The following SUGCT variants were observed in gnomAD, a reference collection of about 807,000 sequenced individuals.
SUGCT encodes succinyl-CoA:glutarate CoA-transferase.
In SUGCT, 41 loss-of-function variants were observed where a neutral mutation model predicts 55.0. That is an observed-to-expected ratio of 0.74 (90% CI 0.58 to 0.97). SUGCT has a LOEUF of 0.97. Among genes scored for constraint, SUGCT ranks in the 50% least tolerant of loss-of-function variants. SUGCT has a pLI of 0.00. For missense variants in SUGCT, 568 were observed against 547.8 expected, an observed-to-expected ratio of 1.04 and a Z score of -0.37; for synonymous variants, 187 against 200.4, an observed-to-expected ratio of 0.93 and a Z score of 0.56.
At chr7:40,817,428 G>GA (rs1347709431) in intron 13 of SUGCT, among the ~76,000 whole-genome samples, 2 of 152,168 alleles carry the variant, frequency 1.3e-5, no homozygotes, top group Non-Finnish European at 2.9e-5. Flanking sequence ...AGACATACTG[G>GA]AGAGAAGTTA....
At chr7:40,977,635 A>G in the SUGCT span, among the ~76,000 whole-genome samples, 1 of 152,180 alleles carries the variant, frequency 6.6e-6, no homozygotes, top group Non-Finnish European at 1.5e-5. Flanking sequence ...CCAGAAATGG[A>G]AACCACTCCC....
chr7:41,013,586 G>A, the SUGCT span, among the ~76,000 whole-genome samples: 551 of 152,260 alleles, frequency 3.6e-3, 14 homozygotes, highest in Admixed American at 0.029. Context: ...GTCTGTGTGC[G>A]TGCATCTAAG....
At chr7:41,012,150 T>C in the SUGCT span, among the ~76,000 whole-genome samples, 1 of 152,118 alleles carries the variant, frequency 6.6e-6, no homozygotes, top group Admixed American at 6.5e-5. Flanking sequence ...GGAACCAGCC[T>C]TTTCCCAGGG....
chr7:40,697,052 A>T (rs976850428), intron 12 of SUGCT, among the ~76,000 whole-genome samples: 2 of 152,192 alleles, frequency 1.3e-5, no homozygotes, highest in African/African-American at 4.8e-5. Flanking sequence ...GTATGGTAGT[A>T]GCGGATAGCA....
chr7:40,589,749 T>G (rs954383966), intron 12 of SUGCT, among the ~76,000 whole-genome samples: 6 of 152,210 alleles, frequency 3.9e-5, no homozygotes, highest in African/African-American at 1.4e-4. Context: ...TCCATAAATA[T>G]ATTTCTTAAG....
intron 1 of SUGCT, among the ~76,000 whole-genome samples, chr7:40,139,277 A>C (rs1208214861): frequency 6.6e-6 from 1 of 152,198 alleles, no homozygotes; most frequent in East Asian, 1.9e-4. Context: ...AGCTCACTGC[A>C]ACCTCCACCT....
intron 9 of SUGCT, among the ~76,000 whole-genome samples, chr7:40,401,850 C>T (rs1488334092): frequency 6.6e-6 from 1 of 152,116 alleles, no homozygotes; most frequent in South Asian, 2.1e-4. Flanking sequence ...AAGCCTTTTC[C>T]AATTTTTGGA....
intron 12 of SUGCT, among the ~76,000 whole-genome samples, chr7:40,549,434 G>A (rs1285737181): frequency 6.6e-6 from 1 of 152,096 alleles, no homozygotes; most frequent in Non-Finnish European, 1.5e-5. Context: ...AGAAATGCAA[G>A]CATTTGGCTG....
intron 1 of SUGCT, among the ~76,000 whole-genome samples, chr7:40,163,177 G>A (rs1359062720): frequency 3.3e-5 from 5 of 152,160 alleles, no homozygotes; most frequent in Non-Finnish European, 7.4e-5. Flanking sequence ...AAGAGAAGCT[G>A]GAAAATGTGG....
intron 12 of SUGCT, among the ~76,000 whole-genome samples, chr7:40,598,357 C>T (rs768045537): frequency 3.3e-5 from 5 of 152,100 alleles, no homozygotes; most frequent in Admixed American, 6.5e-5. Flanking sequence ...CCAAAAGGGA[C>T]GAAATCAACG....
the SUGCT span, among the ~76,000 whole-genome samples, chr7:40,978,459 G>A: frequency 6.6e-6 from 1 of 152,226 alleles, no homozygotes; most frequent in Admixed American, 6.5e-5. Context: ...AAGATGCTGG[G>A]GATATTGAGG....
chr7:40,864,739 C>T (rs1794550407), downstream of SUGCT, among the ~76,000 whole-genome samples: 1 of 151,746 alleles, frequency 6.6e-6, no homozygotes, highest in African/African-American at 2.4e-5. Context: ...AAAGAGAGAG[C>T]ACACCCAGGA....
intron 6 of SUGCT, among the ~76,000 whole-genome samples, chr7:40,210,683 C>G (rs558536194): frequency 6.6e-6 from 1 of 152,080 alleles, no homozygotes; most frequent in Non-Finnish European, 1.5e-5. Context: ...ATTCCTGACG[C>G]ATGTGGCCCC....
At chr7:40,613,192 A>G (rs1002195563) in intron 12 of SUGCT, among the ~76,000 whole-genome samples, 2 of 151,940 alleles carry the variant, frequency 1.3e-5, no homozygotes, top group African/African-American at 4.8e-5. Context: ...TCCCCCTGAG[A>G]GTCTGTATGT....
rs148776184 is a variant in SUGCT at position 40,783,017 on chromosome 7, G to A, written c.1153+33520G>A. 1.4e-4 allele frequency among the ~76,000 whole-genome samples: 22 copies of A among 152,242 alleles called. No homozygotes were observed. The East Asian group carries it at 4.1e-3, about 28-fold the overall frequency. Reference sequence around the variant, plus strand: ...TGACTCTGCCTCTGTGGGTGCTGTGGTTATGATCTGGTGGGAAGATATTGG... The same window carrying A: ...TGACTCTGCCTCTGTGGGTGCTGTGATTATGATCTGGTGGGAAGATATTGG... On this transcript the variant is annotated intron_variant, in intron 13 of 13. Coordinates refer to ENST00000335693, the MANE Select transcript of SUGCT (RefSeq NM_001193313.2).
rs544402491 is a variant in SUGCT, at chr7:40,348,228, G to A, written c.816+31373G>A. Among the ~76,000 whole-genome samples the A allele has an allele frequency of 9.2e-5, 14 of 152,362 alleles. No homozygotes were observed. The East Asian group carries it at 2.5e-3, about 27-fold the overall frequency. ...CTTGTTGCAAACTGGGGTGGGCGGT[G>A]TGGTTAGCTGCTGATAAAGGAGGAA... On this transcript the variant is annotated intron_variant, in intron 9 of 13. Transcript: ENST00000335693.
intron 12 of SUGCT, among the ~76,000 whole-genome samples, chr7:40,685,680 AAT>A (rs1469186000): frequency 3.9e-5 from 6 of 152,138 alleles, no homozygotes; most frequent in Non-Finnish European, 7.3e-5. Flanking sequence ...ATTTCTCAGT[AAT>A]ATGTTTTAGT....
intron 12 of SUGCT, among the ~76,000 whole-genome samples, chr7:40,682,617 G>A (rs942230956): frequency 6.6e-6 from 1 of 152,126 alleles, no homozygotes; most frequent in African/African-American, 2.4e-5. Flanking sequence ...CACACATCTG[G>A]TGTCAGAAGT....
intron 3 of SUGCT, among the ~76,000 whole-genome samples, chr7:40,185,894 A>G (rs1243501945): frequency 2.0e-5 from 3 of 152,054 alleles, no homozygotes; most frequent in African/African-American, 7.2e-5. Context: ...TTTAATATTC[A>G]TATTATATAT....
Sources: allele counts gnomAD v4.1 joint callset (sites outside exome capture counted in the v4.1 genomes callset), GRCh38; gene constraint gnomAD v4.1.1; transcripts MANE v1.5; gene names NCBI Gene and HGNC (gene_info 2026-07-23, HGNC 2026-07-21).